AGTPBP1: variants seen among roughly 807,000 people sequenced by gnomAD.
AGTPBP1 encodes cytosolic carboxypeptidase 1.
A neutral mutation model predicts 143.9 loss-of-function variants in AGTPBP1; 70 were observed. The ratio of observed to expected loss-of-function variants is 0.49; its 90% CI spans 0.40 to 0.59. AGTPBP1 has a LOEUF of 0.59. AGTPBP1 is among the 20% of genes least tolerant of loss of function. AGTPBP1 has a pLI of 0.00. For missense variants in AGTPBP1, 1,229 were observed against 1,464.5 expected, an observed-to-expected ratio of 0.84 and a Z score of 2.62; for synonymous variants, 463 against 500.2, an observed-to-expected ratio of 0.93 and a Z score of 0.99.
chr9:85,718,826 A>T (rs1489191866), intron 1 of AGTPBP1, among the ~76,000 whole-genome samples: 2 of 152,180 alleles, frequency 1.3e-5, no homozygotes, highest in Non-Finnish European at 2.9e-5. Flanking sequence ...TCTTTAAACC[A>T]TCGTGAGTTA....
chr9:85,610,938 T>C (rs540051602), intron 17 of AGTPBP1, among the ~76,000 whole-genome samples: 2 of 152,288 alleles, frequency 1.3e-5, no homozygotes, highest in South Asian at 2.1e-4. Flanking sequence ...ATAAGTTTAA[T>C]AAAATATTAC....
At chr9:85,565,472 C>G (rs916659150) in intron 25 of AGTPBP1, among the ~76,000 whole-genome samples, 1 of 152,056 alleles carries the variant, frequency 6.6e-6, no homozygotes, top group Non-Finnish European at 1.5e-5. Flanking sequence ...TATTCATTAA[C>G]TTGATACCTC....
chr9:85,755,370 G>A, the AGTPBP1 span, among the ~76,000 whole-genome samples: 2 of 151,958 alleles, frequency 1.3e-5, no homozygotes, highest in Admixed American at 6.6e-5. Flanking sequence ...ATTTGTTTCC[G>A]CATATCCTTA....
the AGTPBP1 span, among the ~76,000 whole-genome samples, chr9:85,803,414 CCT>C: frequency 1.3e-5 from 2 of 152,168 alleles, no homozygotes; most frequent in Admixed American, 1.3e-4. Flanking sequence ...TGCTCCACCC[CCT>C]TTCTTTGCTG....
chr9:85,624,619 T>C (rs1382466802), intron 14 of AGTPBP1, among the ~76,000 whole-genome samples: 1 of 152,224 alleles, frequency 6.6e-6, no homozygotes, highest in African/African-American at 2.4e-5. Flanking sequence ...CTAAACTTCA[T>C]ATAAGAAATC....
chr9:85,610,105 A>G (rs1413317385), intron 17 of AGTPBP1, among the ~76,000 whole-genome samples: 1 of 152,212 alleles, frequency 6.6e-6, no homozygotes, highest in Non-Finnish European at 1.5e-5. Context: ...AATGCTACAG[A>G]CTAGACTCCA....
intron 15 of AGTPBP1, among the ~76,000 whole-genome samples, chr9:85,620,786 C>A (rs1404103049): frequency 1.3e-5 from 2 of 152,154 alleles, no homozygotes; most frequent in Non-Finnish European, 2.9e-5. Flanking sequence ...AAGGATCAAG[C>A]AGATGCTCCT....
intron 25 of AGTPBP1, among the ~76,000 whole-genome samples, chr9:85,561,073 TAA>T (rs1826680594): frequency 6.6e-6 from 1 of 152,110 alleles, no homozygotes; most frequent in South Asian, 2.1e-4. Flanking sequence ...AACTTAGCCT[TAA>T]AAGAGACCAT....
the AGTPBP1 span, among the ~76,000 whole-genome samples, chr9:85,803,084 A>ACTACTTTCT: frequency 4.6e-5 from 7 of 152,310 alleles, no homozygotes; most frequent in Non-Finnish European, 8.8e-5. Context: ...CTGGAAGAGA[A>ACTACTTTCT]CTACTTTCTC....
intron 2 of AGTPBP1, among the ~76,000 whole-genome samples, chr9:85,695,846 C>T (rs1309590435): frequency 1.4e-5 from 2 of 145,354 alleles, no homozygotes; most frequent in African/African-American, 5.0e-5. Flanking sequence ...TTTTCTTTTA[C>T]TTTTTTTTTT....
At chr9:85,688,612 C>T (rs1334703781) in intron 3 of AGTPBP1, among the ~76,000 whole-genome samples, 1 of 152,126 alleles carries the variant, frequency 6.6e-6, no homozygotes, top group African/African-American at 2.4e-5. Flanking sequence ...AGATTAGCAA[C>T]AACCATGGGT....
At chr9:85,604,551 C>T (rs955953394) in intron 17 of AGTPBP1, among the ~76,000 whole-genome samples, 4 of 152,056 alleles carry the variant, frequency 2.6e-5, no homozygotes, top group South Asian at 4.1e-4. Flanking sequence ...ACAATAAATA[C>T]CTAGCTCTTC....
intron 6 of AGTPBP1, among the ~76,000 whole-genome samples, chr9:85,672,981 C>T (rs922759663): frequency 1.3e-5 from 2 of 151,984 alleles, no homozygotes; most frequent in African/African-American, 4.8e-5. Context: ...GTGATCTGCC[C>T]GCCTTGGCCT....
chr9:85,575,646 T>G (rs1259047413), intron 24 of AGTPBP1, among the ~76,000 whole-genome samples, 171 bp from the exon 25 acceptor site: 1 of 152,172 alleles, frequency 6.6e-6, no homozygotes, highest in Non-Finnish European at 1.5e-5. Context: ...TACAAGATTA[T>G]TTTAAGTCAC....
intron 13 of AGTPBP1, among the ~76,000 whole-genome samples, chr9:85,641,763 C>T (rs1159733389): frequency 1.3e-5 from 2 of 151,658 alleles, no homozygotes; most frequent in Non-Finnish European, 2.9e-5. Context: ...TGCAGTGGTG[C>T]GATCTTGACT....
At chr9:85,739,332 C>T (rs1338100754) in intron 1 of AGTPBP1, among the ~76,000 whole-genome samples, 1 of 152,192 alleles carries the variant, frequency 6.6e-6, no homozygotes, top group South Asian at 2.1e-4. Context: ...GCTATTCACG[C>T]ACTGTTCAAC....
chr9:85,759,377 C>T, the AGTPBP1 span, among the ~76,000 whole-genome samples: 1 of 152,080 alleles, frequency 6.6e-6, no homozygotes, highest in African/African-American at 2.4e-5. Flanking sequence ...GGAAGTAAAG[C>T]ACTCCTCAGC....
chr9:85,588,257 CA>C, intron 21 of AGTPBP1, 40 bp downstream of exon 21: 1 of 1,506,864 alleles, frequency 6.6e-7, no homozygotes, highest in Non-Finnish European at 8.9e-7. Context: ...AGGACAACCA[CA>C]ATGGTCTTGA....
In AGTPBP1 at chr9:85,621,229, C is replaced by T. The variant is rs760554628; in HGVS notation, c.2072G>A (p.Arg691His). The T allele has an allele frequency of 6.8e-6, 10 of 1,471,260 alleles. No homozygotes were observed. Among genetic ancestry groups the T allele is most frequent in the Admixed American group, 5.3e-5 (2 of 37,636 alleles). The allele number at this position is 1,471,260 out of a possible 1,614,324, so 91.1% of individuals were successfully genotyped here. A position where few individuals can be genotyped will look rare whatever the true frequency, so the allele number is the denominator to read the frequency against. The change falls in exon 15 of 26, where the codon CGT becomes CAT. Residue 691 changes from arginine to histidine, a missense_variant. Transcript: ENST00000357081. ...TGGGTTATCCAAGTCATATACCACA[C>T]GATCTATGATATCACTCTGATGTAT... Reference protein sequence around the residue: ...RLIHQSDIIDRVVYDLDNPNY... With the variant: ...RLIHQSDIIDHVVYDLDNPNY...
Sources: gnomAD v4.1 joint callset for allele counts (sites outside exome capture counted in the v4.1 genomes callset) on GRCh38, gnomAD v4.1.1 for gene constraint, MANE v1.5 for transcripts, NCBI Gene and HGNC (gene_info 2026-07-23, HGNC 2026-07-21) for gene names.